The following SCEL variants were observed in gnomAD, a reference collection of about 807,000 sequenced individuals.
SCEL encodes sciellin.
Under a neutral mutation model 117.6 loss-of-function variants are expected in SCEL, and 113 were observed. That is an observed-to-expected ratio of 0.96 (90% CI 0.83 to 1.12). The LOEUF is 1.12. Among genes scored for constraint, SCEL ranks in the 50% most tolerant of loss-of-function variants. The pLI is 0.00. For missense variants in SCEL, 785 were observed against 810.8 expected (o/e 0.97, Z 0.39); for synonymous variants, 270 against 256.2 (o/e 1.05, Z -0.51).
chr13:77,611,070 C>T (rs2088614553), intron 22 of SCEL, among the ~76,000 whole-genome samples: 1 of 152,128 alleles, frequency 6.6e-6, no homozygotes, highest in South Asian at 2.1e-4. Context: ...GTCTATTTTA[C>T]AGTATGTGGC....
intron 1 of SCEL, among the ~76,000 whole-genome samples, chr13:77,537,565 A>G (rs896652835): frequency 2.0e-5 from 3 of 152,158 alleles, no homozygotes; most frequent in Admixed American, 1.3e-4. Context: ...GCCGTTTATT[A>G]TATTTATGAG....
chr13:77,559,912 G>T (rs1229639247), intron 4 of SCEL, 49 bp downstream of exon 4: 1 of 1,493,902 alleles, frequency 6.7e-7, no homozygotes, highest in East Asian at 2.3e-5. Context: ...AAAGATGGTA[G>T]TTTTCAGAGA....
At chr13:77,591,806 T>C (rs1171997741) in intron 11 of SCEL, among the ~76,000 whole-genome samples, 1 of 152,202 alleles carries the variant, frequency 6.6e-6, no homozygotes, top group Admixed American at 6.5e-5. Flanking sequence ...GGAAATACAG[T>C]TGTTCAGTTG....
At chr13:77,545,815 G>A (rs977756225) in intron 1 of SCEL, among the ~76,000 whole-genome samples, 13 of 152,372 alleles carry the variant, frequency 8.5e-5, no homozygotes, top group African/African-American at 2.6e-4. Flanking sequence ...AGACTCAAGA[G>A]CAGACTTTCT....
intron 9 of SCEL, among the ~76,000 whole-genome samples, chr13:77,577,182 A>G (rs2085993950): frequency 6.6e-6 from 1 of 152,106 alleles, no homozygotes; most frequent in African/African-American, 2.4e-5. Context: ...TCTTGACTAG[A>G]ACTGGTGAGA....
rs753108226 is a variant in SCEL at position 77,618,030 on chromosome 13, T to C, written c.1598T>C (p.Val533Ala). 1.2e-6 allele frequency: 2 copies of C among 1,613,352 alleles called. No homozygotes were observed. The highest frequency in any genetic ancestry group is 2.2e-5 in the South Asian group (2 of 91,048). The change falls in exon 27 of 33, where the codon GTG becomes GCG. Residue 533 changes from valine to alanine, a missense_variant. Coordinates refer to ENST00000349847, the MANE Select transcript of SCEL (RefSeq NM_144777.3). ...QSQDLDNLIK[V>A]KPSALRNTNR... Reference sequence around the variant, plus strand: ...CAAGACTTGGACAATCTTATTAAAGTGAAACCTTCAGCTCTTAGAAACACT... The same window carrying C: ...CAAGACTTGGACAATCTTATTAAAGCGAAACCTTCAGCTCTTAGAAACACT...
At chr13:77,551,532 C>G (rs906824776) in intron 1 of SCEL, among the ~76,000 whole-genome samples, 1 of 152,198 alleles carries the variant, frequency 6.6e-6, no homozygotes, top group African/African-American at 2.4e-5. Flanking sequence ...CTCCTGAGGC[C>G]TCTCTCCTTG....
chr13:77,548,621 T>C (rs2084125102), intron 1 of SCEL, among the ~76,000 whole-genome samples: 1 of 152,198 alleles, frequency 6.6e-6, no homozygotes, highest in Non-Finnish European at 1.5e-5. Flanking sequence ...TTGTAAGAAT[T>C]CCCACGTGTC....
At chr13:77,595,333 G>C (rs1379899603) in intron 12 of SCEL, among the ~76,000 whole-genome samples, 1 of 152,152 alleles carries the variant, frequency 6.6e-6, no homozygotes, top group African/African-American at 2.4e-5. Context: ...AGTTATCCGA[G>C]CTGCTCTTTG....
At chr13:77,634,199 A>G (rs988031875) in intron 28 of SCEL, among the ~76,000 whole-genome samples, 180 bp from the exon 29 acceptor site, 73 of 152,250 alleles carry the variant, frequency 4.8e-4, no homozygotes, top group Non-Finnish European at 2.9e-5. Context: ...TAAAAACAAA[A>G]TGGAAGACAA....
At chr13:77,569,752 T>C (rs1315990003) in intron 8 of SCEL, among the ~76,000 whole-genome samples, 3 of 152,170 alleles carry the variant, frequency 2.0e-5, no homozygotes, top group Non-Finnish European at 2.9e-5. Context: ...TAATGATGAA[T>C]GTAGGGCCAC....
chr13:77,568,188 T>G, intron 6 of SCEL, 107 bp from the exon 7 acceptor site: 1 of 681,902 alleles, frequency 1.5e-6, no homozygotes, highest in Non-Finnish European at 2.5e-6. Context: ...TATTTCTTTC[T>G]CTCACCAGTG....
intron 4 of SCEL, among the ~76,000 whole-genome samples, chr13:77,562,158 A>G (rs1370284106): frequency 6.6e-6 from 1 of 152,146 alleles, no homozygotes; most frequent in African/African-American, 2.4e-5. Context: ...CTTCCACAGA[A>G]CTTGCATCCT....
In SCEL at chr13:77,644,482, AG is replaced by A. The variant is rs960409067; in HGVS notation, c.*209del. On this transcript the variant is annotated 3_prime_UTR_variant, in exon 33 of 33. Transcript: ENST00000349847. ...AGCCATCTGGTCTCTGGCTAGAGTT[AG>A]CAATAAAAAGTTCAAATGGTTCCAG... The A allele has an allele frequency of 6.8e-5, 36 of 528,766 alleles. No homozygotes were observed. Among genetic ancestry groups the A allele is most frequent in the Non-Finnish European group, 7.0e-5 (21 of 299,326 alleles). The allele number at this position is 528,766 out of a possible 1,614,324, so 32.8% of individuals were successfully genotyped here.
intron 1 of SCEL, among the ~76,000 whole-genome samples, chr13:77,545,642 G>T (rs1372897490): frequency 1.3e-5 from 2 of 152,226 alleles, no homozygotes; most frequent in East Asian, 3.8e-4. Context: ...CACCTTAGAG[G>T]CTTTACATGG....
In SCEL at chr13:77,589,250, T is replaced by C. The variant is rs377199557; in HGVS notation, c.626+26T>C. ...GTAAGACCTAGTACTCCAGAATTTC[T>C]TGACAAAATGAAGTTCAAGGGAAAT... is the stretch of plus-strand genomic sequence containing the variant. On this transcript the variant is annotated intron_variant, in intron 10 of 32. Transcript: ENST00000349847. The C allele has an allele frequency of 7.3e-5, 112 of 1,536,570 alleles. No homozygotes were observed. In the African/African-American group the frequency reaches 1.4e-3, roughly 19 times the overall value.
intron 27 of SCEL, among the ~76,000 whole-genome samples, chr13:77,626,364 T>G (rs758129804): frequency 2.2e-4 from 34 of 152,146 alleles, no homozygotes; most frequent in Non-Finnish European, 3.1e-4. Flanking sequence ...ACACAAACCA[T>G]ATCATTGTGC....
intron 1 of SCEL, among the ~76,000 whole-genome samples, chr13:77,543,082 CTTTTT>C (rs71203061): frequency 9.0e-5 from 11 of 122,472 alleles, no homozygotes; most frequent in African/African-American, 3.5e-4. Flanking sequence ...TCTACTTTAG[CTTTTT>C]TTTTTTTTTT....
In SCEL at chr13:77,606,512, A is replaced by G. The variant is rs140118768; in HGVS notation, c.1158-1544A>G. On this transcript the variant is annotated intron_variant, in intron 19 of 32. Coordinates refer to ENST00000349847, the MANE Select transcript of SCEL (RefSeq NM_144777.3). Reference sequence around the variant, plus strand: ...TTTTTTTGAATACACAAGTCTGGAAATAGCATCCTGGGAATTTTATTTTTC... The same window carrying G: ...TTTTTTTGAATACACAAGTCTGGAAGTAGCATCCTGGGAATTTTATTTTTC... 8 of 152,346 alleles carry G rather than the reference A, an allele frequency of 5.3e-5. No homozygotes were observed. In the East Asian group the frequency reaches 1.3e-3, roughly 26 times the overall value. 9.4% of individuals were successfully genotyped at this position (152,346 alleles called of 1,614,324 possible). A position where few individuals can be genotyped will look rare whatever the true frequency, so the allele number is the denominator to read the frequency against.
Sources: allele counts gnomAD v4.1 joint callset (sites outside exome capture counted in the v4.1 genomes callset), GRCh38; gene constraint gnomAD v4.1.1; transcripts MANE v1.5; gene names NCBI Gene and HGNC (gene_info 2026-07-23, HGNC 2026-07-21).